TRRAP: variants seen among roughly 807,000 people sequenced by gnomAD.
TRRAP encodes the protein transformation/transcription domain-associated protein.
A neutral mutation model predicts 438.8 loss-of-function variants in TRRAP; 41 were observed. The ratio of observed to expected loss-of-function variants is 0.09; its 90% CI spans 0.07 to 0.12. TRRAP has a LOEUF of 0.12. TRRAP is among the 10% of genes least tolerant of loss of function. The pLI, the probability that TRRAP is intolerant of heterozygous loss-of-function variation, is 1.00. For synonymous variants in TRRAP, 1,994 were observed against 1,962.9 expected (o/e 1.02, Z -0.42); for missense variants, 3,122 against 5,055.1 (o/e 0.62, Z 11.60).
At chr7:98,982,355 CAGAA>C (rs1792971183) in intron 59 of TRRAP, among the ~76,000 whole-genome samples, 1 of 152,152 alleles carries the variant, frequency 6.6e-6, no homozygotes, top group Non-Finnish European at 1.5e-5. Context: ...GAAATATAAA[CAGAA>C]AGCACAGATT....
chr7:98,904,736 C>G (rs1405956211), intron 12 of TRRAP, among the ~76,000 whole-genome samples: 1 of 152,066 alleles, frequency 6.6e-6, no homozygotes, highest in Non-Finnish European at 1.5e-5. Flanking sequence ...TTGTTTTTAA[C>G]AAGATATTAT....
intron 65 of TRRAP, among the ~76,000 whole-genome samples, chr7:98,992,556 C>T (rs1459158801): frequency 1.4e-5 from 2 of 138,084 alleles, no homozygotes; most frequent in African/African-American, 6.1e-5. Context: ...CAGATGCCAG[C>T]TGCCGTGTGT....
intron 3 of TRRAP, among the ~76,000 whole-genome samples, chr7:98,888,467 G>A (rs1308141799): frequency 6.6e-6 from 1 of 151,876 alleles, no homozygotes; most frequent in Non-Finnish European, 1.5e-5. Flanking sequence ...GATCCTGGAG[G>A]CAGAGTTTGC....
Position 98,950,972 on chromosome 7 carries a change from C to T in TRRAP, c.5431C>T (p.Pro1811Ser). The T allele has an allele frequency of 1.2e-6, 2 of 1,608,634 alleles. No individual in the cohort carries two copies. The highest frequency in any genetic ancestry group is 1.7e-6 in the Non-Finnish European group (2 of 1,178,096). Residue 1811 changes from proline to serine, a missense_variant, in exon 39 of 73, where the codon CCA becomes TCA. Coordinates refer to ENST00000456197, the MANE Select transcript of TRRAP (RefSeq NM_001375524.1). ...ACCTCCCAATCCAGAAGGAGATAAC[C>T]CAGAAAGCATCACCAGTGTGTTTAT... ...LGPPNPEGDNPESITSVFITK... is the reference protein window; with the variant it reads ...LGPPNPEGDNSESITSVFITK...
chr7:98,960,721 A>G (rs1460141768), intron 45 of TRRAP, among the ~76,000 whole-genome samples: 1 of 151,898 alleles, frequency 6.6e-6, no homozygotes, highest in Non-Finnish European at 1.5e-5. Flanking sequence ...CCTCCCAAGT[A>G]GCTGAGACTA....
In TRRAP at chr7:98,917,610, G is replaced by C. The variant is rs1398954759; in HGVS notation, c.2553G>C (p.Leu851=). 1.5e-5 allele frequency: 24 copies of C among 1,614,224 alleles called. No individual in the cohort carries two copies. The highest frequency in any genetic ancestry group is 1.9e-5 in the Non-Finnish European group (23 of 1,180,044). Residue 851 remains leucine (L), a synonymous_variant, in exon 20 of 73, where the codon CTG becomes CTC. Transcript: ENST00000456197. ...GCCAAGGCCTCAGGACGCTGGAGCT[G>C]TGTGTGGACAACCTGCAGCCCGACT... ...LVSQGLRTLE[L]CVDNLQPDFL...
rs1789500481 is a variant in TRRAP at position 98,915,950 on chromosome 7, A to G, written c.2365+62A>G. On this transcript the variant is annotated intron_variant, in intron 19 of 72. Transcript: ENST00000456197. ...GTGTCATGTAGTCATGTGTCTAGCC[A>G]TCCTGATTGCTGGGTTTCATCCTCT... The G allele has an allele frequency of 6.9e-6, 11 of 1,592,194 alleles. No homozygotes were observed. In the Admixed American group the frequency reaches 1.7e-4, roughly 25 times the overall value.
chr7:99,000,383 G>A (rs1453091484), intron 67 of TRRAP, among the ~76,000 whole-genome samples: 4 of 152,180 alleles, frequency 2.6e-5, no homozygotes, highest in African/African-American at 2.4e-5. Context: ...TGCCAAAGCC[G>A]GGTAACAGGC....
intron 14 of TRRAP, among the ~76,000 whole-genome samples, chr7:98,909,487 C>T (rs1318185861): frequency 6.6e-6 from 1 of 152,152 alleles, no homozygotes; most frequent in Non-Finnish European, 1.5e-5. Context: ...CTCATAGGAT[C>T]GCTGTGGGAG....
At chr7:98,984,014 A>C (rs1793050365) in intron 60 of TRRAP, 79 bp from the exon 61 acceptor site, 1 of 1,475,228 alleles carries the variant, frequency 6.8e-7, no homozygotes, top group Non-Finnish European at 9.0e-7. Flanking sequence ...TGTGTGTTTC[A>C]TTTTTTATTT....
chr7:99,008,060 G>A (rs1025164636), intron 69 of TRRAP, among the ~76,000 whole-genome samples: 7 of 151,464 alleles, frequency 4.6e-5, no homozygotes, highest in Non-Finnish European at 1.5e-5. Context: ...TCCTGACCTC[G>A]TGATCCGCCC....
chr7:99,003,630 G>T (rs1211045243), intron 67 of TRRAP, among the ~76,000 whole-genome samples: 1 of 152,206 alleles, frequency 6.6e-6, no homozygotes, highest in African/African-American at 2.4e-5. Context: ...CTGTGGGGTT[G>T]GGGATGGGGT....
chr7:98,961,119 C>T (rs543408767), intron 45 of TRRAP, 142 bp from the exon 46 acceptor site: 236 of 698,718 alleles, frequency 3.4e-4, no homozygotes, highest in African/African-American at 3.3e-3. Context: ...TTGTGAAATA[C>T]GATTGTCATT....
Position 98,984,088 on chromosome 7 carries a change from T to A in TRRAP, c.9023-5T>A. The A allele has an allele frequency of 6.3e-7, 1 of 1,590,742 alleles. No individual in the cohort carries two copies. Among genetic ancestry groups the A allele is most frequent in the Non-Finnish European group, 8.6e-7 (1 of 1,167,914 alleles). On this transcript the variant is annotated splice_region_variant and splice_polypyrimidine_tract_variant and intron_variant, in intron 60 of 72. Transcript: ENST00000456197. The stretch of plus-strand genomic sequence containing the variant: ...GGGCTAATGATTCCTTTCTTTGCCC[T>A]CTAGCGATTGTAACTGCCTATGAGA...
chr7:98,881,346 G>T (rs1426512628), intron 2 of TRRAP, 96 bp downstream of exon 2: 22 of 1,117,378 alleles, frequency 2.0e-5, no homozygotes, highest in Admixed American at 2.6e-5. Flanking sequence ...GCCGAGGCGG[G>T]TGGATCACCT....
intron 66 of TRRAP, 100 bp downstream of exon 66, chr7:98,993,837 C>G (rs759524094): frequency 9.9e-6 from 12 of 1,208,368 alleles, no homozygotes; most frequent in Non-Finnish European, 1.4e-5. Context: ...AGTTGCCGGT[C>G]CTTTTATATA....
At chr7:98,930,380 C>G (rs1790271230) in intron 24 of TRRAP, among the ~76,000 whole-genome samples, 174 bp downstream of exon 24, 1 of 152,114 alleles carries the variant, frequency 6.6e-6, no homozygotes, top group African/African-American at 2.4e-5. Flanking sequence ...AGTTCGAGAC[C>G]AGCCTGACCA....
At chr7:98,879,805 A>G (rs1416729470) in intron 1 of TRRAP, among the ~76,000 whole-genome samples, 20 of 152,056 alleles carry the variant, frequency 1.3e-4, no homozygotes, top group Admixed American at 1.2e-3. Flanking sequence ...GGTGTCTAGG[A>G]GAGAGTGGCC....
chr7:98,945,758 C>T lies in TRRAP; in HGVS notation c.4485C>T (p.Ser1495=), dbSNP rs1554416635. ...CTCCCCATCCTCAGGAAAGCATTTC[C>T]GAGTGCGGGAGATGTCCCTTGTCTC... ...GQRSDGNESI[S]ECGRCPLSPF... The change falls in exon 32 of 73, where the codon TCC becomes TCT. Residue 1495 remains serine (S), a synonymous_variant. Transcript: ENST00000456197. The T allele has an allele frequency of 4.4e-6, 7 of 1,598,142 alleles. No homozygotes were observed. Among genetic ancestry groups the T allele is most frequent in the Non-Finnish European group, 5.1e-6 (6 of 1,179,692 alleles).
Sources: allele counts gnomAD v4.1 joint callset (sites outside exome capture counted in the v4.1 genomes callset), GRCh38; gene constraint gnomAD v4.1.1; transcripts MANE v1.5; gene names NCBI Gene and HGNC (gene_info 2026-07-23, HGNC 2026-07-21).